ADGRV1: variants seen among roughly 807,000 people sequenced by gnomAD.
ADGRV1 encodes G-protein coupled receptor 98.
ADGRV1 carries 359 observed loss-of-function variants against 596.2 expected under a neutral mutation model. The observed-to-expected ratio is 0.60, with a 90% CI of 0.55 to 0.66. ADGRV1 has a LOEUF of 0.66. Ranked by LOEUF, ADGRV1 falls within the 30% of genes least tolerant of loss-of-function variation. The probability of loss-of-function intolerance (pLI) is 0.00; values close to 1 mark genes in which losing one functional copy is unlikely to be tolerated. For synonymous variants in ADGRV1, 2,681 were observed against 2,679.2 expected (o/e 1.00, Z -0.02); for missense variants, 7,274 against 7,575.6 (o/e 0.96, Z 1.48).
intron 78 of ADGRV1, chr5:90,846,693 G>T (rs983677511): frequency 6.6e-6 from 1 of 152,642 alleles, no homozygotes; most frequent in Admixed American, 6.5e-5. Flanking sequence ...CAAAGAGTGA[G>T]CAGTAGCAAG....
intron 87 of ADGRV1, among the ~76,000 whole-genome samples, chr5:91,115,330 A>G (rs1232179959): frequency 1.3e-5 from 2 of 152,212 alleles, no homozygotes; most frequent in African/African-American, 2.4e-5. Context: ...ATAATTGTTA[A>G]CATATACTGA....
At position 91,027,078 on chromosome 5, in the gene ADGRV1, G is replaced by A. The variant is rs186378627; in HGVS notation, c.18152+41556G>A. ...AATCTCTTGAACCCAGGAGGCAGAG[G>A]TTGCAGTGAACCAAGATTGTGCCAC... On this transcript the variant is annotated intron_variant, in intron 85 of 89. Transcript: ENST00000405460. Among the ~76,000 whole-genome samples, 85 of 150,740 alleles carry A rather than the reference G, an allele frequency of 5.6e-4. No individual in the cohort carries two copies. In the East Asian group the frequency reaches 0.017, roughly 29 times the overall value.
In ADGRV1 at chr5:90,980,850, G is replaced by A. The variant is rs1780020530; in HGVS notation, c.17974-4494G>A. On this transcript the variant is annotated intron_variant, in intron 84 of 89. Transcript: ENST00000405460. The stretch of plus-strand genomic sequence containing the variant: ...TAATACTCTTAAGTTAGATTATGAA[G>A]GAAGAACAGTGATTTCAAGGAAAGG... 2.0e-5 allele frequency among the ~76,000 whole-genome samples: 3 copies of A among 152,212 alleles called. No homozygotes were observed. The South Asian group carries it at 6.2e-4, about 32-fold the overall frequency.
intron 34 of ADGRV1, among the ~76,000 whole-genome samples, chr5:90,699,608 A>G (rs1747637483): frequency 6.6e-6 from 1 of 152,148 alleles, no homozygotes; most frequent in Admixed American, 6.5e-5. Flanking sequence ...GGATCAATTT[A>G]ATGAATTTTA....
rs1205315853 is a variant in ADGRV1 at position 90,863,753 on chromosome 5, A to G, written c.17756-4A>G. 7.5e-6 allele frequency: 12 copies of G among 1,607,208 alleles called. No individual in the cohort carries two copies. The highest frequency in any genetic ancestry group is 3.3e-5 in the Admixed American group (2 of 59,972). On this transcript the variant is annotated splice_polypyrimidine_tract_variant and splice_region_variant and intron_variant, in intron 82 of 89. Transcript: ENST00000405460. ...ACCATATGTGGACTTTTTTGTTCCT[A>G]CAGGTCTTTGCTTGGCTGTTCTTTC... is the stretch of plus-strand genomic sequence containing the variant.
In ADGRV1 at chr5:90,628,615, C is replaced by T. The variant is rs111723628; in HGVS notation, c.1292C>T (p.Ala431Val). 60 of 1,613,734 alleles carry T rather than the reference C, an allele frequency of 3.7e-5. 2 individuals are homozygous for T. Among genetic ancestry groups the T allele is most frequent in the African/African-American group, 3.1e-4 (23 of 75,014 alleles). Residue 431 changes from alanine to valine, a missense_variant, in exon 8 of 90, where the codon GCG becomes GTG. Ala to Val is a moderately conservative substitution (Grantham distance 64, BLOSUM62 0). Around this residue, in one of 5 missense-constraint regions of ADGRV1, gnomAD observed 1,715 missense variants for 1,708.8 expected, o/e 1.00. Coordinates refer to ENST00000405460, the MANE Select transcript of ADGRV1 (RefSeq NM_032119.4). ...RNGGTHGNVS[A>V]NWVLTRNSTD... ...GGAGGAACCCATGGGAATGTCTCTG[C>T]GAATTGGGTGTTGACACGGAACAGC... is the stretch of plus-strand genomic sequence containing the variant.
intron 79 of ADGRV1, among the ~76,000 whole-genome samples, chr5:90,852,107 T>C (rs1012212927): frequency 2.0e-5 from 3 of 152,094 alleles, no homozygotes; most frequent in African/African-American, 4.8e-5. Context: ...TTGAGGTGTT[T>C]CAATAGGAGA....
intron 79 of ADGRV1, among the ~76,000 whole-genome samples, chr5:90,852,429 A>G (rs1041887242): frequency 6.6e-6 from 1 of 152,168 alleles, no homozygotes; most frequent in Non-Finnish European, 1.5e-5. Flanking sequence ...ACATTCTAAT[A>G]TTCTCTCAAC....
In ADGRV1 at chr5:90,971,704, C is replaced by G. The variant is rs184219399; in HGVS notation, c.17973+6173C>G. On this transcript the variant is annotated intron_variant, in intron 84 of 89. Transcript: ENST00000405460. ...CCTACAAGGGGTCCTGAAGGAAGCA[C>G]TAAACATGGAAAGGAACAACTGGTA... Among the ~76,000 whole-genome samples the G allele has an allele frequency of 1.5e-4, 23 of 152,238 alleles. 1 individual carries two copies. The East Asian group carries it at 1.7e-3, about 11-fold the overall frequency.
intron 67 of ADGRV1, 111 bp downstream of exon 67, chr5:90,784,168 A>G (rs1371905285): frequency 1.1e-5 from 8 of 715,586 alleles, no homozygotes; most frequent in Non-Finnish European, 1.6e-5. Flanking sequence ...ATCAATATTT[A>G]TTAATTATCT....
intron 87 of ADGRV1, among the ~76,000 whole-genome samples, chr5:91,109,170 ACTT>A (rs1337839988): frequency 6.6e-6 from 1 of 152,192 alleles, no homozygotes; most frequent in Non-Finnish European, 1.5e-5. Context: ...AACGATAAGG[ACTT>A]CTTCTCGCCC....
Position 90,745,728 on chromosome 5 carries a change from T to C in ADGRV1, c.10907T>C (p.Ile3636Thr). 1.2e-6 allele frequency: 2 copies of C among 1,612,318 alleles called. No homozygotes were observed. The highest frequency in any genetic ancestry group is 1.7e-6 in the Non-Finnish European group (2 of 1,178,864). The change falls in exon 52 of 90, where the codon ATT becomes ACT. Residue 3636 changes from isoleucine (I) to threonine (T), a missense_variant. By Grantham distance (89) the Ile-to-Thr change is moderately conservative (BLOSUM62 -1). Transcript: ENST00000405460. ...KNPKGGAEIG[I>T]NDSVTITILS... is the part of the protein sequence containing the mutation. Reference sequence around the variant, plus strand: ...CCCAAAGGAGGAGCAGAGATTGGCATTAATGATTCTGTAACAATAACCATT... The same window carrying C: ...CCCAAAGGAGGAGCAGAGATTGGCACTAATGATTCTGTAACAATAACCATT...
At chr5:91,032,574 C>T (rs1437789002) in intron 85 of ADGRV1, among the ~76,000 whole-genome samples, 1 of 151,718 alleles carries the variant, frequency 6.6e-6, no homozygotes, top group Non-Finnish European at 1.5e-5. Flanking sequence ...TTTTGTTCTG[C>T]TAATTATAAT....
At chr5:91,095,163 A>G (rs1180295157) in intron 86 of ADGRV1, among the ~76,000 whole-genome samples, 2 of 152,128 alleles carry the variant, frequency 1.3e-5, no homozygotes, top group Non-Finnish European at 2.9e-5. Flanking sequence ...CAGCTACCCA[A>G]ATGAGGTGGA....
intron 1 of ADGRV1, among the ~76,000 whole-genome samples, chr5:90,599,202 T>A (rs27196): frequency 0.45 from 68,869 of 151,958 alleles, 15,881 homozygotes; most frequent in East Asian, 0.59. Flanking sequence ...AAAGCCAATA[T>A]AGTATTAGGC....
chr5:91,148,891 A>G (rs560654278), intron 87 of ADGRV1, among the ~76,000 whole-genome samples: 33 of 152,368 alleles, frequency 2.2e-4, no homozygotes, highest in African/African-American at 7.5e-4. Flanking sequence ...GATGTAAGAT[A>G]TAGAGTCAAA....
At chr5:90,817,098 G>C (rs1762974507) in intron 75 of ADGRV1, among the ~76,000 whole-genome samples, 1 of 152,172 alleles carries the variant, frequency 6.6e-6, no homozygotes. Flanking sequence ...ATTAATGATT[G>C]CCGTTCTAAC....
At position 90,924,220 on chromosome 5, in the gene ADGRV1, T is replaced by G. The variant is rs543404747; in HGVS notation, c.17857-41195T>G. Among the ~76,000 whole-genome samples the G allele has an allele frequency of 3.0e-3, 450 of 151,740 alleles. 5 individuals are homozygous for G. Among genetic ancestry groups the G allele is most frequent in the African/African-American group, 0.011 (436 of 41,076 alleles). ...GGAATCATCACACTGACTTCCACAA[T>G]GGTTGAACTAGTTTACAGTCCCACC... is the stretch of plus-strand genomic sequence containing the variant. On this transcript the variant is annotated intron_variant, in intron 83 of 89. Coordinates refer to ENST00000405460, the MANE Select transcript of ADGRV1 (RefSeq NM_032119.4).
In ADGRV1 at chr5:90,641,304, A is replaced by G. The variant is rs1020489663; in HGVS notation, c.2241-1332A>G. Reference sequence around the variant, plus strand: ...TGAACGGTTCCATTGGTTTTCTGAGAGCATCTAAGCAATTTATTGCTTATA... The same window carrying G: ...TGAACGGTTCCATTGGTTTTCTGAGGGCATCTAAGCAATTTATTGCTTATA... On this transcript the variant is annotated intron_variant, in intron 11 of 89. Coordinates refer to ENST00000405460, the MANE Select transcript of ADGRV1 (RefSeq NM_032119.4). Among the ~76,000 whole-genome samples, 8 of 152,202 alleles carry G rather than the reference A, an allele frequency of 5.3e-5. No individual in the cohort carries two copies. The South Asian group carries it at 1.7e-3, about 31-fold the overall frequency.
Sources: allele counts gnomAD v4.1 joint callset (sites outside exome capture counted in the v4.1 genomes callset), GRCh38; gene constraint gnomAD v4.1.1; regional missense constraint gnomAD v4.1.1; transcripts MANE v1.5; gene names NCBI Gene and HGNC (gene_info 2026-07-23, HGNC 2026-07-21).